DNER: variants seen among roughly 807,000 people sequenced by gnomAD.
DNER encodes the protein delta/notch like EGF repeat containing.
Under a neutral mutation model 78.2 loss-of-function variants are expected in DNER, and 33 were observed. The ratio of observed to expected loss-of-function variants is 0.42; its 90% confidence interval spans 0.32 to 0.56. DNER has a LOEUF of 0.56. Among genes scored for constraint, DNER ranks in the 20% least tolerant of loss-of-function variants. The probability of loss-of-function intolerance (pLI) is 0.11; values close to 1 mark genes in which losing one functional copy is unlikely to be tolerated. For missense variants in DNER, 918 were observed against 975.3 expected (o/e 0.94, Z 0.78); for synonymous variants, 417 against 384.8 (o/e 1.08, Z -0.98).
intron 1 of DNER, among the ~76,000 whole-genome samples, chr2:229,688,385 G>A (rs936074073): frequency 8.5e-5 from 13 of 152,170 alleles, no homozygotes; most frequent in Non-Finnish European, 1.3e-4. Context: ...ATTTAATTAC[G>A]GAAATTTATG....
intron 10 of DNER, among the ~76,000 whole-genome samples, chr2:229,405,704 A>G (rs1693363969): frequency 6.6e-6 from 1 of 152,214 alleles, no homozygotes; most frequent in African/African-American, 2.4e-5. Context: ...TATACACTAT[A>G]CACTATATAC....
chr2:229,632,191 C>T (rs937002961), intron 1 of DNER, among the ~76,000 whole-genome samples: 2 of 152,084 alleles, frequency 1.3e-5, no homozygotes, highest in Non-Finnish European at 2.9e-5. Context: ...CAATACCAGC[C>T]AAAATATTAT....
chr2:229,389,881 T>C (rs1692979129), intron 10 of DNER, among the ~76,000 whole-genome samples: 1 of 152,244 alleles, frequency 6.6e-6, no homozygotes, highest in African/African-American at 2.4e-5. Flanking sequence ...TACGTGAATT[T>C]GTTTCCTGCA....
intron 1 of DNER, among the ~76,000 whole-genome samples, chr2:229,684,756 T>C (rs1413856549): frequency 6.6e-6 from 1 of 152,226 alleles, no homozygotes; most frequent in Admixed American, 6.5e-5. Flanking sequence ...CTTTCTACCA[T>C]AATCTGCGGT....
At chr2:229,399,331 T>C (rs1341203916) in intron 10 of DNER, among the ~76,000 whole-genome samples, 2 of 151,760 alleles carry the variant, frequency 1.3e-5, no homozygotes, top group African/African-American at 2.4e-5. Context: ...CATGCATATA[T>C]ACATACCTAC....
intron 1 of DNER, among the ~76,000 whole-genome samples, chr2:229,669,063 C>A (rs899584317): frequency 6.6e-6 from 1 of 152,030 alleles, no homozygotes; most frequent in Non-Finnish European, 1.5e-5. Context: ...AGTTCATGTC[C>A]TTTGCAGGGA....
Position 229,698,459 on chromosome 2 carries a change from A to G in DNER, c.276+15689T>C, listed in dbSNP as rs148913318. Among the ~76,000 whole-genome samples, 1,088 of 152,308 alleles carry G rather than the reference A, an allele frequency of 7.1e-3. 11 individuals carry two copies. Among genetic ancestry groups the G allele is most frequent in the African/African-American group, 0.024 (996 of 41,564 alleles). On this transcript the variant is annotated intron_variant, in intron 1 of 12. Coordinates refer to ENST00000341772, the MANE Select transcript of DNER (RefSeq NM_139072.4). ...CTTCGCCTAAATTCCCACAGGCTCT[A>G]CTTGCATTTATGTGCTCTTCTAAGC... is the stretch of plus-strand genomic sequence containing the variant.
chr2:229,587,330 G>T (rs1422149060), intron 3 of DNER, among the ~76,000 whole-genome samples: 1 of 152,152 alleles, frequency 6.6e-6, no homozygotes, highest in East Asian at 1.9e-4. Flanking sequence ...CACCTCTCCC[G>T]CCTCTCCGGA....
intron 7 of DNER, among the ~76,000 whole-genome samples, chr2:229,466,685 T>C (rs1305401052): frequency 6.6e-6 from 1 of 152,144 alleles, no homozygotes; most frequent in Non-Finnish European, 1.5e-5. Context: ...AATCAAGAAA[T>C]AGTATGTGAA....
At chr2:229,565,875 C>A (rs2154213886) in intron 4 of DNER, among the ~76,000 whole-genome samples, 1 of 152,244 alleles carries the variant, frequency 6.6e-6, no homozygotes, top group East Asian at 1.9e-4. Context: ...TATTTGATCA[C>A]CTTTTCATAA....
At chr2:229,708,580 G>C (rs1285344314) in intron 1 of DNER, among the ~76,000 whole-genome samples, 1 of 152,186 alleles carries the variant, frequency 6.6e-6, no homozygotes, top group Non-Finnish European at 1.5e-5. Context: ...CTACTGAATT[G>C]ATAAGGATAT....
intron 5 of DNER, among the ~76,000 whole-genome samples, chr2:229,518,015 A>G (rs1239483973): frequency 2.6e-5 from 4 of 152,206 alleles, no homozygotes; most frequent in Non-Finnish European, 5.9e-5. Flanking sequence ...ACCTTGTTTC[A>G]TTACAATAGT....
intron 10 of DNER, among the ~76,000 whole-genome samples, chr2:229,401,386 C>A (rs1288414056): frequency 6.6e-6 from 1 of 152,022 alleles, no homozygotes; most frequent in East Asian, 1.9e-4. Flanking sequence ...ACAGTTTACA[C>A]CACCTTTTTT....
At chr2:229,707,623 C>T (rs1376698428) in intron 1 of DNER, among the ~76,000 whole-genome samples, 1 of 152,196 alleles carries the variant, frequency 6.6e-6, no homozygotes, top group Non-Finnish European at 1.5e-5. Context: ...GTATGTAGCC[C>T]CAGTGCTGGG....
At chr2:229,703,634 T>C (rs1353318994) in intron 1 of DNER, among the ~76,000 whole-genome samples, 1 of 152,200 alleles carries the variant, frequency 6.6e-6, no homozygotes, top group Non-Finnish European at 1.5e-5. Context: ...GTCCTAGCAC[T>C]TTGAGAGGCC....
chr2:229,366,828 T>C (rs769410792), intron 12 of DNER, 45 bp downstream of exon 12: 5 of 1,610,460 alleles, frequency 3.1e-6, no homozygotes, highest in South Asian at 1.1e-5. Context: ...TTCCCAAGAA[T>C]GCACATGTGA....
chr2:229,600,200 T>A (rs1318020330), intron 1 of DNER, among the ~76,000 whole-genome samples: 1 of 143,310 alleles, frequency 7.0e-6, no homozygotes, highest in Non-Finnish European at 1.5e-5. Flanking sequence ...ATCTGGTTTG[T>A]TTTTTGTAAA....
At chr2:229,431,104 G>A (rs547954498) in intron 8 of DNER, among the ~76,000 whole-genome samples, 1 of 152,214 alleles carries the variant, frequency 6.6e-6, no homozygotes, top group South Asian at 2.1e-4. Flanking sequence ...AACTTCTGTA[G>A]ATGTACTGAG....
At chr2:229,522,396 A>G (rs111533928) in intron 5 of DNER, among the ~76,000 whole-genome samples, 5 of 152,244 alleles carry the variant, frequency 3.3e-5, no homozygotes, top group African/African-American at 7.2e-5. Flanking sequence ...TTGATCTTCA[A>G]TTCACTCACA....
Sources: gnomAD v4.1 joint callset for allele counts (sites outside exome capture counted in the v4.1 genomes callset) on GRCh38, gnomAD v4.1.1 for gene constraint, MANE v1.5 for transcripts, NCBI Gene and HGNC (gene_info 2026-07-23, HGNC 2026-07-21) for gene names.